ASB13: variants seen among roughly 807,000 people sequenced by gnomAD.
ASB13 encodes the protein ankyrin repeat and SOCS box protein 13.
ASB13 carries 33 observed loss-of-function variants against 28.8 expected under a neutral mutation model. The observed-to-expected ratio is 1.15, with a 90% CI of 0.87 to 1.53. The LOEUF (loss-of-function observed/expected upper bound fraction) is 1.53, where lower values mean the gene tolerates loss of function less well. Among genes scored for constraint, ASB13 ranks in the 40% most tolerant of loss-of-function variants. The pLI is 0.00. For missense variants in ASB13, 414 were observed against 390.1 expected (o/e 1.06, Z -0.52); for synonymous variants, 182 against 172.9 (o/e 1.05, Z -0.41).
Position 5,641,983 on chromosome 10 carries a change from G to T in ASB13, c.518-22C>A, listed in dbSNP as rs140264431. 3.1e-5 allele frequency: 49 copies of T among 1,589,154 alleles called. 1 individual carries two copies. The South Asian group carries it at 4.9e-4, about 16-fold the overall frequency. ...GCCCCTGGAGGTCAAGAGTGCAGAA[G>T]AGATTTCACCAAGAAGAGAACTTGA... is the stretch of plus-strand genomic sequence containing the variant. On this transcript the variant is annotated intron_variant, in intron 4 of 5. Coordinates refer to ENST00000357700, the MANE Select transcript of ASB13 (RefSeq NM_024701.4). The surrounding 1 kb of genome is among the most constrained non-coding windows in gnomAD (Gnocchi z 8.4).
Position 5,661,776 on chromosome 10 carries a change from G to A in ASB13, c.43+4733C>T, listed in dbSNP as rs1391124539. On this transcript the variant is annotated intron_variant, in intron 1 of 5. Transcript: ENST00000357700. This position sits in a 1 kb window ranked among gnomAD's most constrained non-coding sequence, Gnocchi z 4.9. ...GGCCTCCCTAAGTGCTGGGATTACA[G>A]GCATGAGCCCCAGGCCCAGCCCAGA... is the stretch of plus-strand genomic sequence containing the variant. Among the ~76,000 whole-genome samples, 2 of 152,160 alleles carry A rather than the reference G, an allele frequency of 1.3e-5. No homozygotes were observed. Among genetic ancestry groups the A allele is most frequent in the African/African-American group, 4.8e-5 (2 of 41,436 alleles).
rs1340132723 is a variant in ASB13 at position 5,656,273 on chromosome 10, T to C, written c.44-3223A>G. ...TATAAAGTCTGACTGGTCAAGGTGG[T>C]TCAAGCCTGTAATCCCAGCACTTTG... On this transcript the variant is annotated intron_variant, in intron 1 of 5. Transcript: ENST00000357700. The surrounding 1 kb of genome is among the most constrained non-coding windows in gnomAD (Gnocchi z 4.3). 1.3e-5 allele frequency among the ~76,000 whole-genome samples: 2 copies of C among 152,082 alleles called. No homozygotes were observed. Among genetic ancestry groups the C allele is most frequent in the East Asian group, 1.9e-4 (1 of 5,196 alleles).
intron 1 of ASB13, among the ~76,000 whole-genome samples, chr10:5,665,529 C>A (rs534689156): frequency 1.3e-5 from 2 of 152,148 alleles, no homozygotes; most frequent in African/African-American, 4.8e-5. Flanking sequence ...AAGCTTCTGC[C>A]GTTAGCTATT....
rs1348333550 is a variant in ASB13 at position 5,652,249 on chromosome 10, C to T, written c.231+614G>A. Among the ~76,000 whole-genome samples the T allele has an allele frequency of 6.6e-6, 1 of 152,132 alleles. No individual in the cohort carries two copies. Among genetic ancestry groups the T allele is most frequent in the African/African-American group, 2.4e-5 (1 of 41,418 alleles). On this transcript the variant is annotated intron_variant, in intron 2 of 5. Transcript: ENST00000357700. The surrounding 1 kb of genome is among the most constrained non-coding windows in gnomAD (Gnocchi z 5.0). ...ATTCCAACCTTTTGGGAAGAGTAAACAGTACACTGTCTTCCCTTCTTCCTC... is the reference window on the plus strand; with the variant it reads ...ATTCCAACCTTTTGGGAAGAGTAAATAGTACACTGTCTTCCCTTCTTCCTC...
At position 5,666,563 on chromosome 10, in the gene ASB13, G is replaced by A. The variant is rs1835264975; in HGVS notation, c.-12C>T. 1 of 1,152,400 alleles carries A rather than the reference G, an allele frequency of 8.7e-7. No homozygotes were observed. The highest frequency in any genetic ancestry group is 4.0e-5 in the South Asian group (1 of 24,790). 71.4% of individuals were successfully genotyped at this position (1,152,400 alleles called of 1,614,324 possible). A position where few individuals can be genotyped will look rare whatever the true frequency, so the allele number is the denominator to read the frequency against. On this transcript the variant is annotated 5_prime_UTR_variant, in exon 1 of 6. Transcript: ENST00000357700. ...GCCCGGGGCTCCATGCGGCTCACCG[G>A]CGGCCGCGCGGCGACTCTGGGCGCC...
Position 5,652,766 on chromosome 10 carries a change from C to G in ASB13, c.231+97G>C, listed in dbSNP as rs975730199. The G allele has an allele frequency of 4.6e-6, 6 of 1,300,470 alleles. No homozygotes were observed. The highest frequency in any genetic ancestry group is 2.6e-5 in the Admixed American group (1 of 38,456). 80.6% of individuals were successfully genotyped at this position (1,300,470 alleles called of 1,614,324 possible). A position where few individuals can be genotyped will look rare whatever the true frequency, so the allele number is the denominator to read the frequency against. ...CCTGTGTGCAGTGGACACAGTGCAG[C>G]CCCCATCCTCCCCTCTTTCCCAAGT... On this transcript the variant is annotated intron_variant, in intron 2 of 5. Coordinates refer to ENST00000357700, the MANE Select transcript of ASB13 (RefSeq NM_024701.4). This position sits in a 1 kb window ranked among gnomAD's most constrained non-coding sequence, Gnocchi z 5.0.
rs1410730394 is a variant in ASB13, at chr10:5,663,710, C to T, written c.43+2799G>A. ...TTGCCCATAAACATGCTTCCTAAGC[C>T]TTTGTAACTTGCTAATTTCCTCTGA... On this transcript the variant is annotated intron_variant, in intron 1 of 5. Transcript: ENST00000357700. This position sits in a 1 kb window ranked among gnomAD's most constrained non-coding sequence, Gnocchi z 4.9. Among the ~76,000 whole-genome samples, 4 of 152,174 alleles carry T rather than the reference C, an allele frequency of 2.6e-5. No homozygotes were observed. Among genetic ancestry groups the T allele is most frequent in the African/African-American group, 9.7e-5 (4 of 41,442 alleles).
At position 5,642,885 on chromosome 10, in the gene ASB13, G is replaced by A. The variant is rs1834832288; in HGVS notation, c.518-924C>T. 6.6e-6 allele frequency among the ~76,000 whole-genome samples: 1 copy of A among 151,994 alleles called. No homozygotes were observed. Among genetic ancestry groups the A allele is most frequent in the Non-Finnish European group, 1.5e-5 (1 of 68,016 alleles). On this transcript the variant is annotated intron_variant, in intron 4 of 5. Transcript: ENST00000357700. The surrounding 1 kb of genome is among the most constrained non-coding windows in gnomAD (Gnocchi z 4.1). ...GTCTCGAACTCCTGGCTACGGGCAT[G>A]AGCCACCACACCTGGTCACATATGG...
intron 1 of ASB13, among the ~76,000 whole-genome samples, chr10:5,653,276 C>T (rs1364538503): frequency 6.6e-6 from 1 of 152,226 alleles, no homozygotes; most frequent in Non-Finnish European, 1.5e-5. Flanking sequence ...ACCCCGCTCA[C>T]CTCCACAGTC....
rs201072188 is a variant in ASB13 at position 5,641,993 on chromosome 10, C to T, written c.518-32G>A. ...GTCAAGAGTGCAGAAGAGATTTCAC[C>T]AAGAAGAGAACTTGAAGTCAGGGGG... On this transcript the variant is annotated intron_variant, in intron 4 of 5. Coordinates refer to ENST00000357700, the MANE Select transcript of ASB13 (RefSeq NM_024701.4). This position sits in a 1 kb window ranked among gnomAD's most constrained non-coding sequence, Gnocchi z 8.4. 2.7e-5 allele frequency: 42 copies of T among 1,582,620 alleles called. No individual in the cohort carries two copies. In the African/African-American group the frequency reaches 4.0e-4, roughly 15 times the overall value.
rs1835224818 is a variant in ASB13 at position 5,664,510 on chromosome 10, TCA to T, written c.43+1997_43+1998del. ...ATAGCAAGTGGCTCAGCTGCAATATTCACAGTCACAATAATGTCAACACTGAA... is the reference window on the plus strand; with the variant it reads ...ATAGCAAGTGGCTCAGCTGCAATATTCAGTCACAATAATGTCAACACTGAA... On this transcript the variant is annotated intron_variant, in intron 1 of 5. Coordinates refer to ENST00000357700, the MANE Select transcript of ASB13 (RefSeq NM_024701.4). The surrounding 1 kb of genome is among the most constrained non-coding windows in gnomAD (Gnocchi z 4.2). Among the ~76,000 whole-genome samples, 1 of 136,050 alleles carries T rather than the reference TCA, an allele frequency of 7.4e-6. No individual in the cohort carries two copies. The highest frequency in any genetic ancestry group is 2.6e-5 in the African/African-American group (1 of 37,896). The allele number at this position is 136,050 out of a possible 152,430, so 89.3% of individuals were successfully genotyped here.
In ASB13 at chr10:5,655,880, C is replaced by T. The variant is rs1048049926; in HGVS notation, c.44-2830G>A. Among the ~76,000 whole-genome samples the T allele has an allele frequency of 4.6e-5, 7 of 152,180 alleles. No individual in the cohort carries two copies. Among genetic ancestry groups the T allele is most frequent in the African/African-American group, 1.4e-4 (6 of 41,434 alleles). The stretch of plus-strand genomic sequence containing the variant: ...CACCTGAGCCGGGAAGGCGCGTTCC[C>T]GACGTGCCTCCATTCACAAGACGTC... On this transcript the variant is annotated intron_variant, in intron 1 of 5. Transcript: ENST00000357700. The surrounding 1 kb of genome is among the most constrained non-coding windows in gnomAD (Gnocchi z 6.2).
rs1018509020 is a variant in ASB13 at position 5,661,405 on chromosome 10, C to T, written c.43+5104G>A. Among the ~76,000 whole-genome samples the T allele has an allele frequency of 5.3e-5, 8 of 152,246 alleles. No individual in the cohort carries two copies. The highest frequency in any genetic ancestry group is 1.7e-4 in the African/African-American group (7 of 41,466). ...GCATTCTCAAATGCCACCAGGGACA[C>T]CTTCCAGACAAAGCTGATCCAGTAG... On this transcript the variant is annotated intron_variant, in intron 1 of 5. Coordinates refer to ENST00000357700, the MANE Select transcript of ASB13 (RefSeq NM_024701.4). The surrounding 1 kb of genome is among the most constrained non-coding windows in gnomAD (Gnocchi z 4.9).
In ASB13 at chr10:5,652,062, A is replaced by ACACACAC. The variant is rs1588513752; in HGVS notation, c.232-700_232-699insGTGTGTG. On this transcript the variant is annotated intron_variant, in intron 2 of 5. Transcript: ENST00000357700. The surrounding 1 kb of genome is among the most constrained non-coding windows in gnomAD (Gnocchi z 5.0). ...CACACACACACACACACACACACAC[A>ACACACAC]AAACTCTAACCTCAATGGAAGGAAT... is the stretch of plus-strand genomic sequence containing the variant. Among the ~76,000 whole-genome samples the ACACACAC allele has an allele frequency of 9.6e-5, 14 of 146,378 alleles. No homozygotes were observed. The highest frequency in any genetic ancestry group is 3.5e-3 in the Middle Eastern group (1 of 286).
rs997601816 is a variant in ASB13, at chr10:5,658,002, G to A, written c.44-4952C>T. Among the ~76,000 whole-genome samples, 2 of 151,782 alleles carry A rather than the reference G, an allele frequency of 1.3e-5. No homozygotes were observed. Among genetic ancestry groups the A allele is most frequent in the African/African-American group, 4.8e-5 (2 of 41,306 alleles). Reference sequence around the variant, plus strand: ...GTCTCTACTAAGAATACAAAAATTAGCCAGGCATGGTGGCTGTAATCCATG... The same window carrying A: ...GTCTCTACTAAGAATACAAAAATTAACCAGGCATGGTGGCTGTAATCCATG... On this transcript the variant is annotated intron_variant, in intron 1 of 5. Transcript: ENST00000357700. The surrounding 1 kb of genome is among the most constrained non-coding windows in gnomAD (Gnocchi z 4.2).
intron 4 of ASB13, among the ~76,000 whole-genome samples, chr10:5,647,962 G>C (rs1204512429): frequency 9.9e-6 from 1 of 100,932 alleles, no homozygotes; most frequent in Admixed American, 9.5e-5. Flanking sequence ...ACACTCTGCA[G>C]GTAAACACCC....
In ASB13 at chr10:5,648,360, G is replaced by A. The variant is rs1363607637; in HGVS notation, c.517+610C>T. Among the ~76,000 whole-genome samples the A allele has an allele frequency of 1.5e-3, 111 of 72,860 alleles. 23 individuals carry two copies. Among genetic ancestry groups the A allele is most frequent in the Non-Finnish European group, 2.1e-3 (69 of 32,440 alleles). The allele number at this position is 72,860 out of a possible 152,430, so 47.8% of individuals were successfully genotyped here. A position where few individuals can be genotyped will look rare whatever the true frequency, so the allele number is the denominator to read the frequency against. On this transcript the variant is annotated intron_variant, in intron 4 of 5. Transcript: ENST00000357700. ...ACACCCACGTGGGCAACACCCACGGGGGTAAACACCCATGCAGGCAAACAC... is the reference window on the plus strand; with the variant it reads ...ACACCCACGTGGGCAACACCCACGGAGGTAAACACCCATGCAGGCAAACAC...
At position 5,641,649 on chromosome 10, in the gene ASB13, G is replaced by T; in HGVS notation, c.709+121C>A. On this transcript the variant is annotated intron_variant, in intron 5 of 5. Transcript: ENST00000357700. The surrounding 1 kb of genome is among the most constrained non-coding windows in gnomAD (Gnocchi z 8.4). The stretch of plus-strand genomic sequence containing the variant: ...AAAGTGCTTAAGGGTCTGTCCTAGC[G>T]CAGAGGACAGGAGCCAGGACTAACA... 2 of 1,066,142 alleles carry T rather than the reference G, an allele frequency of 1.9e-6. No individual in the cohort carries two copies. Among genetic ancestry groups the T allele is most frequent in the Non-Finnish European group, 2.7e-6 (2 of 749,262 alleles). The allele number at this position is 1,066,142 out of a possible 1,614,324, so 66.0% of individuals were successfully genotyped here.
rs772593955 is a variant in ASB13 at position 5,639,209 on chromosome 10, G to T, written c.*1494C>A. The T allele has an allele frequency of 6.6e-6, 1 of 152,572 alleles. No individual in the cohort carries two copies. Among genetic ancestry groups the T allele is most frequent in the African/African-American group, 2.4e-5 (1 of 41,426 alleles). 9.5% of individuals were successfully genotyped at this position (152,572 alleles called of 1,614,324 possible). A position where few individuals can be genotyped will look rare whatever the true frequency, so the allele number is the denominator to read the frequency against. ...TGTGGCCCCACCCCCAAGTACCCAC[G>T]CGGAGAGGCCTCCAGTCATACAGCA... On this transcript the variant is annotated 3_prime_UTR_variant, in exon 6 of 6. Coordinates refer to ENST00000357700, the MANE Select transcript of ASB13 (RefSeq NM_024701.4).
Sources: allele counts gnomAD v4.1 joint callset (sites outside exome capture counted in the v4.1 genomes callset), GRCh38; gene constraint gnomAD v4.1.1; non-coding constraint Gnocchi (gnomAD v3.1); transcripts MANE v1.5; gene names NCBI Gene and HGNC (gene_info 2026-07-23, HGNC 2026-07-21).